Variants in AP3M2 observed in about 807,000 individuals in gnomAD.
The protein encoded by AP3M2 is adaptor related protein complex 3 subunit mu 2.
A neutral mutation model predicts 41.6 loss-of-function variants in AP3M2; 28 were observed. The observed-to-expected ratio is 0.67, with a 90% confidence interval of 0.50 to 0.92. The LOEUF (loss-of-function observed/expected upper bound fraction) is 0.92. AP3M2 is among the 40% of genes least tolerant of loss of function. The pLI is 0.00. For missense variants in AP3M2, 427 were observed against 521.4 expected (o/e 0.82, Z 1.76); for synonymous variants, 193 against 186.4 (o/e 1.04, Z -0.29).
Position 42,165,439 on chromosome 8 carries a change from T to A in AP3M2, c.682T>A (p.Leu228Met). 2 of 1,614,212 alleles carry A rather than the reference T, an allele frequency of 1.2e-6. No homozygotes were observed. The highest frequency in any genetic ancestry group is 1.7e-6 in the Non-Finnish European group (2 of 1,180,028). The change falls in exon 6 of 9, where the codon TTG becomes ATG. Residue 228 changes from leucine to methionine, a missense_variant. By Grantham distance (15) the Leu-to-Met change is conservative (BLOSUM62 2). This residue lies in a region of AP3M2 where 237 missense variants were observed against 284.9 expected (regional missense o/e 0.83). Coordinates refer to ENST00000396926, the MANE Select transcript of AP3M2 (RefSeq NM_006803.4). ...CTGATGACTGTAGAACCCTAGGTTG[T>A]TGGATGATGTCAGCTTCCATCCTTG... The part of the protein sequence containing the change: ...LTLSFMNPRL[L>M]DDVSFHPCVR...
chr8:42,168,684 G>A (rs1036735029), intron 8 of AP3M2, among the ~76,000 whole-genome samples: 1 of 152,032 alleles, frequency 6.6e-6, no homozygotes, highest in Non-Finnish European at 1.5e-5. Context: ...TCATGCAGTG[G>A]TCTAATTTTT....
chr8:42,155,886 C>T (rs1222358567), intron 2 of AP3M2: 2 of 424,538 alleles, frequency 4.7e-6, no homozygotes, highest in East Asian at 7.2e-5. Flanking sequence ...AGAGTTCCTT[C>T]TCTTGTACTC....
chr8:42,158,127 G>T lies in AP3M2; in HGVS notation c.445+15G>T. On this transcript the variant is annotated intron_variant, in intron 3 of 8. Transcript: ENST00000396926. ...CACCATCACAGGTACGGCAGAGGGG[G>T]AAACTGATAGATAGTGGCCATCCTA... is the stretch of plus-strand genomic sequence containing the variant. 1 of 1,609,428 alleles carries T rather than the reference G, an allele frequency of 6.2e-7. No individual in the cohort carries two copies. The highest frequency in any genetic ancestry group is 8.5e-7 in the Non-Finnish European group (1 of 1,176,092).
rs756052697 is a variant in AP3M2, at chr8:42,158,089, G to C, written c.422G>C (p.Arg141Pro). The C allele has an allele frequency of 6.2e-7, 1 of 1,613,866 alleles. No individual in the cohort carries two copies. The highest frequency in any genetic ancestry group is 8.5e-7 in the Non-Finnish European group (1 of 1,179,854). Residue 141 changes from arginine (R) to proline (P), a missense_variant, in exon 3 of 9, where the codon CGA becomes CCA. Physicochemically the swap from Arg to Pro is moderately radical, Grantham distance 103. Around this residue, in one of 3 missense-constraint regions of AP3M2, gnomAD observed 86 missense variants for 142.6 expected, o/e 0.60. Transcript: ENST00000396926. ...CTCATAAAGCCTCCTACCATCCTTC[G>C]AACGGTTGTCAACACCATCACAGGT... The part of the protein sequence containing the change: ...KELIKPPTIL[R>P]TVVNTITGST...
intron 5 of AP3M2, 109 bp from the exon 6 acceptor site, chr8:42,165,318 T>C: frequency 1.4e-6 from 2 of 1,457,364 alleles, no homozygotes; most frequent in Non-Finnish European, 1.9e-6. Flanking sequence ...GATTTCTGTG[T>C]GTGTGTGTGT....
chr8:42,166,878 C>T, intron 6 of AP3M2: 1 of 385,356 alleles, frequency 2.6e-6, no homozygotes, highest in East Asian at 5.2e-5. Flanking sequence ...GACATAATGA[C>T]AATACATTTT....
rs1804664976 is a variant in AP3M2, at chr8:42,167,261, A to G, written c.901A>G (p.Met301Val). ...AATAACGGTGGGACCCAAGCAGACG[A>G]TGGGGAAGACCATTGAGGGAGTGAC... ...FEITVGPKQT[M>V]GKTIEGVTVT... The change falls in exon 7 of 9, where the codon ATG becomes GTG. Residue 301 changes from methionine to valine, a missense_variant. By Grantham distance (21) the Met-to-Val change is conservative. This residue lies in a region of AP3M2 where 237 missense variants were observed against 284.9 expected (regional missense o/e 0.83). Transcript: ENST00000396926. 19 of 1,614,132 alleles carry G rather than the reference A, an allele frequency of 1.2e-5. No individual in the cohort carries two copies. The highest frequency in any genetic ancestry group is 1.6e-5 in the Non-Finnish European group (19 of 1,180,012).
chr8:42,166,612 T>TAAAAAAAAAAAAAAAAAAAAAAA (rs1404448805), intron 6 of AP3M2, among the ~76,000 whole-genome samples: 1 of 84,254 alleles, frequency 1.2e-5, no homozygotes, highest in African/African-American at 5.2e-5. Context: ...AAAAAAAAAG[T>TAAAAAAAAAAAAAAAAAAAAAAA]AAAAATTAGC....
Position 42,170,822 on chromosome 8 carries a change from C to T in AP3M2, c.*1761C>T. On this transcript the variant is annotated 3_prime_UTR_variant, in exon 9 of 9. Coordinates refer to ENST00000396926, the MANE Select transcript of AP3M2 (RefSeq NM_006803.4). ...ACTTGGAAGCACCTCTCCTGAGGAA[C>T]CTACAGGATTCTAAGGTTTCCTAGG... 1 of 152,224 alleles carries T rather than the reference C, an allele frequency of 6.6e-6. No homozygotes were observed. The highest frequency in any genetic ancestry group is 1.9e-4 in the East Asian group (1 of 5,206). 9.4% of individuals were successfully genotyped at this position (152,224 alleles called of 1,614,324 possible).
chr8:42,156,086 T>C (rs79814465), intron 2 of AP3M2: 6,856 of 449,266 alleles, frequency 0.015, 149 homozygotes, highest in South Asian at 0.051. Flanking sequence ...AACCCAGGAG[T>C]TGTGATCCTA....
intron 3 of AP3M2, among the ~76,000 whole-genome samples, chr8:42,159,774 A>G (rs1804455249): frequency 6.6e-6 from 1 of 152,242 alleles, no homozygotes; most frequent in Admixed American, 6.5e-5. Context: ...ATGCATAAGC[A>G]AGCATTTTCA....
chr8:42,165,342 T>C, intron 5 of AP3M2, 85 bp from the exon 6 acceptor site: 2 of 1,537,072 alleles, frequency 1.3e-6, no homozygotes, highest in Non-Finnish European at 8.9e-7. Context: ...GTGTTTTAAT[T>C]AAAAACAGCA....
At chr8:42,165,686 T>C in intron 6 of AP3M2, 126 bp downstream of exon 6, 11 of 1,188,096 alleles carry the variant, frequency 9.3e-6, no homozygotes, top group Middle Eastern at 2.2e-4. Flanking sequence ...CTGTGGTTAC[T>C]AATTGGGTAA....
chr8:42,164,741 G>A (rs146322230), intron 4 of AP3M2, among the ~76,000 whole-genome samples: 49 of 152,322 alleles, frequency 3.2e-4, no homozygotes, highest in African/African-American at 1.1e-3. Context: ...TGAACCATTG[G>A]CTAAAATAAT....
chr8:42,165,642 G>T, intron 6 of AP3M2, 82 bp downstream of exon 6: 1 of 1,519,390 alleles, frequency 6.6e-7, no homozygotes, highest in Non-Finnish European at 8.9e-7. Flanking sequence ...TAAGAACTCA[G>T]GCTCTAGAGT....
rs537642186 is a variant in AP3M2, at chr8:42,167,299, G to C, written c.939G>C (p.Gln313His). The C allele has an allele frequency of 6.2e-7, 1 of 1,614,212 alleles. No homozygotes were observed. The highest frequency in any genetic ancestry group is 1.1e-5 in the South Asian group (1 of 91,082). The change falls in exon 7 of 9, where the codon CAG (glutamine) becomes CAC (histidine). Residue 313 changes from glutamine to histidine, a missense_variant. Transcript: ENST00000396926. Reference protein sequence around the residue: ...KTIEGVTVTSQMPKGVLNMSL... With the variant: ...KTIEGVTVTSHMPKGVLNMSL... Reference sequence around the variant, plus strand: ...TTGAGGGAGTGACTGTCACCAGCCAGATGCCCAAGGGGGTCCTGAACATGA... The same window carrying C: ...TTGAGGGAGTGACTGTCACCAGCCACATGCCCAAGGGGGTCCTGAACATGA...
At chr8:42,167,961 A>G (rs1172217247) in intron 8 of AP3M2, 151 bp downstream of exon 8, 4 of 1,125,602 alleles carry the variant, frequency 3.6e-6, no homozygotes, top group Non-Finnish European at 3.8e-6. Flanking sequence ...CTTTTCTGGC[A>G]TGTTTCTGGG....
Position 42,154,671 on chromosome 8 carries a change from C to T in AP3M2, c.-17C>T, listed in dbSNP as rs923915092. 1 of 1,611,594 alleles carries T rather than the reference C, an allele frequency of 6.2e-7. No homozygotes were observed. The highest frequency in any genetic ancestry group is 8.5e-7 in the Non-Finnish European group (1 of 1,178,688). On this transcript the variant is annotated 5_prime_UTR_variant, in exon 2 of 9. Coordinates refer to ENST00000396926, the MANE Select transcript of AP3M2 (RefSeq NM_006803.4). ...CAGACTGAAAAAGGCTTTCTTCTGT[C>T]ACTGACAATCGCCACCATGATCCAT... is the stretch of plus-strand genomic sequence containing the variant.
intron 2 of AP3M2, among the ~76,000 whole-genome samples, chr8:42,156,443 G>A (rs911282842): frequency 6.6e-6 from 1 of 152,164 alleles, no homozygotes; most frequent in African/African-American, 2.4e-5. Context: ...GAGCGGCCCC[G>A]CAATAGAATT....
Sources: allele counts gnomAD v4.1 joint callset (sites outside exome capture counted in the v4.1 genomes callset), GRCh38; gene constraint gnomAD v4.1.1; regional missense constraint gnomAD v4.1.1; transcripts MANE v1.5; gene names NCBI Gene and HGNC (gene_info 2026-07-23, HGNC 2026-07-21).